The following NKAIN3 variants were observed in gnomAD, a reference collection of about 807,000 sequenced individuals.
NKAIN3 encodes the protein sodium/potassium-transporting ATPase subunit beta-1-interacting protein 3.
Under a neutral mutation model 30.2 loss-of-function variants are expected in NKAIN3, and 25 were observed. The observed-to-expected ratio is 0.83, with a 90% CI of 0.60 to 1.16. The LOEUF (loss-of-function observed/expected upper bound fraction) is 1.16. Among genes scored for constraint, NKAIN3 ranks in the 50% most tolerant of loss-of-function variants. NKAIN3 has a pLI of 0.00. For missense variants in NKAIN3, 225 were observed against 254.1 expected, an observed-to-expected ratio of 0.89 and a Z score of 0.78; for synonymous variants, 91 against 89.6, an observed-to-expected ratio of 1.02 and a Z score of -0.09.
chr8:62,715,307 A>T (rs13260720), intron 3 of NKAIN3, among the ~76,000 whole-genome samples: 89,046 of 152,004 alleles, frequency 0.59, 28,234 homozygotes, highest in Non-Finnish European at 0.73. Context: ...CCAGAAGTAG[A>T]GCCAGTGTCC....
chr8:62,759,861 C>G, intron 4 of NKAIN3, among the ~76,000 whole-genome samples: 1 of 152,120 alleles, frequency 6.6e-6, no homozygotes, highest in Non-Finnish European at 1.5e-5. Flanking sequence ...TTTTTGCAAT[C>G]TACTCATCTG....
chr8:62,261,890 A>G (rs1161498388), intron 1 of NKAIN3, among the ~76,000 whole-genome samples: 2 of 152,218 alleles, frequency 1.3e-5, no homozygotes, highest in Non-Finnish European at 2.9e-5. Context: ...CAGATGAGAA[A>G]ACTGAAATGT....
At chr8:62,696,374 A>G (rs1814154449) in intron 3 of NKAIN3, among the ~76,000 whole-genome samples, 1 of 152,180 alleles carries the variant, frequency 6.6e-6, no homozygotes, top group Non-Finnish European at 1.5e-5. Context: ...TGAAGATTTC[A>G]TATCTATAGG....
At chr8:62,645,337 T>C (rs1020516403) in intron 3 of NKAIN3, among the ~76,000 whole-genome samples, 8 of 152,156 alleles carry the variant, frequency 5.3e-5, no homozygotes, top group Admixed American at 2.0e-4. Flanking sequence ...TTGCAGTTTG[T>C]AAGTAGAGAA....
intron 4 of NKAIN3, among the ~76,000 whole-genome samples, chr8:62,891,258 T>G (rs1366324308): frequency 6.6e-6 from 1 of 152,138 alleles, no homozygotes; most frequent in Admixed American, 6.5e-5. Context: ...ACTTGCTGAG[T>G]CTTCTGGCCT....
In NKAIN3 at chr8:62,971,538, T is replaced by G. The variant is rs1164988417; in HGVS notation, c.*6131T>G. Among the ~76,000 whole-genome samples, 2 of 151,578 alleles carry G rather than the reference T, an allele frequency of 1.3e-5. No individual in the cohort carries two copies. The highest frequency in any genetic ancestry group is 3.9e-4 in the East Asian group (2 of 5,134). On this transcript the variant is annotated 3_prime_UTR_variant, in exon 7 of 7. Coordinates refer to ENST00000623646, the MANE Select transcript of NKAIN3 (RefSeq NM_001304533.3). ...GTCCCAGCTACTTGGGAGGTTGAAG[T>G]AGGAGGGTTGTTTGAACCTGGGAGA...
chr8:62,737,655 T>G (rs1815717928), intron 3 of NKAIN3, among the ~76,000 whole-genome samples: 1 of 152,222 alleles, frequency 6.6e-6, no homozygotes, highest in East Asian at 1.9e-4. Flanking sequence ...TGCTCTTGTC[T>G]GCAGCTGATC....
chr8:62,482,519 C>T (rs893655897), intron 1 of NKAIN3: 2 of 152,262 alleles, frequency 1.3e-5, no homozygotes, highest in African/African-American at 4.8e-5. Context: ...CTCAGTGGCA[C>T]ACTGGGATGG....
chr8:62,299,331 G>A (rs947459026), intron 1 of NKAIN3, among the ~76,000 whole-genome samples: 12 of 152,238 alleles, frequency 7.9e-5, no homozygotes, highest in Middle Eastern at 6.8e-3. Context: ...GTGCTCAGAT[G>A]AAAGCACTGT....
chr8:62,257,774 T>C (rs1812307723), intron 1 of NKAIN3, among the ~76,000 whole-genome samples: 3 of 152,176 alleles, frequency 2.0e-5, no homozygotes, highest in Admixed American at 6.6e-5. Context: ...TTCACTGAAA[T>C]AGAAAGAAGT....
At chr8:62,250,610 T>A (rs1250656192) in intron 1 of NKAIN3, among the ~76,000 whole-genome samples, 1 of 152,206 alleles carries the variant, frequency 6.6e-6, no homozygotes, top group Non-Finnish European at 1.5e-5. Context: ...CATGCTGGAT[T>A]GCATAATCTA....
chr8:62,471,079 G>C (rs1806325894), intron 1 of NKAIN3, among the ~76,000 whole-genome samples: 1 of 152,070 alleles, frequency 6.6e-6, no homozygotes, highest in Admixed American at 6.6e-5. Context: ...CCCATAAAAA[G>C]TGGGGGAAAA....
chr8:62,996,630 C>T (rs1435888618), intron 5 of NKAIN3, among the ~76,000 whole-genome samples: 1 of 152,164 alleles, frequency 6.6e-6, no homozygotes, highest in Non-Finnish European at 1.5e-5. Flanking sequence ...ACCTATGAGC[C>T]TGTAAAATCA....
At chr8:62,913,489 G>A (rs1190609841) in intron 4 of NKAIN3, among the ~76,000 whole-genome samples, 1 of 152,190 alleles carries the variant, frequency 6.6e-6, no homozygotes, top group Non-Finnish European at 1.5e-5. Context: ...GCAGCAACCT[G>A]TGTGGAGCAA....
intron 4 of NKAIN3, among the ~76,000 whole-genome samples, chr8:62,790,344 C>T (rs1817664643): frequency 6.6e-6 from 1 of 152,154 alleles, no homozygotes; most frequent in African/African-American, 2.4e-5. Context: ...GACAAACCCA[C>T]AGCCAATATC....
intron 4 of NKAIN3, among the ~76,000 whole-genome samples, chr8:62,874,930 C>G (rs1371723395): frequency 6.6e-6 from 1 of 152,158 alleles, no homozygotes; most frequent in Admixed American, 6.6e-5. Context: ...CCTCTCTCAC[C>G]ACTCCTATTC....
At chr8:62,832,048 G>A (rs1819213266) in intron 4 of NKAIN3, among the ~76,000 whole-genome samples, 1 of 152,014 alleles carries the variant, frequency 6.6e-6, no homozygotes, top group Non-Finnish European at 1.5e-5. Context: ...AACCAGAAGA[G>A]ATAAGAGGCC....
chr8:62,892,390 G>A (rs2130826450), intron 4 of NKAIN3, among the ~76,000 whole-genome samples: 1 of 152,228 alleles, frequency 6.6e-6, no homozygotes, highest in East Asian at 1.9e-4. Context: ...GGAGAAAAAG[G>A]CAGACATTTT....
chr8:62,806,905 C>A (rs1818307776), intron 4 of NKAIN3, among the ~76,000 whole-genome samples: 2 of 151,904 alleles, frequency 1.3e-5, no homozygotes, highest in African/African-American at 4.8e-5. Flanking sequence ...TGAGACCAAG[C>A]AGGGGACTAA....
Sources: gnomAD v4.1 joint callset for allele counts (sites outside exome capture counted in the v4.1 genomes callset) on GRCh38, gnomAD v4.1.1 for gene constraint, MANE v1.5 for transcripts, NCBI Gene and HGNC (gene_info 2026-07-23, HGNC 2026-07-21) for gene names.